PLCB1: variants seen among roughly 807,000 people sequenced by gnomAD.
PLCB1 encodes the protein phospholipase C beta 1.
PLCB1 carries 46 observed loss-of-function variants against 161.8 expected under a neutral mutation model. That is an observed-to-expected ratio of 0.28 (90% CI 0.22 to 0.36). PLCB1 has a LOEUF of 0.36. Ranked by LOEUF, PLCB1 falls within the 10% of genes least tolerant of loss-of-function variation. The pLI is 1.00. For missense variants in PLCB1, 1,016 were observed against 1,472.5 expected (o/e 0.69, Z 5.07); for synonymous variants, 517 against 503.7 (o/e 1.03, Z -0.35).
intron 31 of PLCB1, among the ~76,000 whole-genome samples, chr20:8,796,644 G>A (rs995045712): frequency 4.6e-5 from 7 of 151,728 alleles, no homozygotes; most frequent in Non-Finnish European, 1.0e-4. Flanking sequence ...TTTCATTTTT[G>A]TCAATATAAA....
intron 3 of PLCB1, among the ~76,000 whole-genome samples, chr20:8,519,278 GAGGAGT>G (rs1280133888): frequency 1.3e-5 from 2 of 152,160 alleles, no homozygotes; most frequent in Non-Finnish European, 2.9e-5. Context: ...GAATACTATA[GAGGAGT>G]AGTAGACAAC....
intron 3 of PLCB1, among the ~76,000 whole-genome samples, chr20:8,620,740 C>T (rs1321789154): frequency 5.1e-5 from 7 of 136,426 alleles, no homozygotes; most frequent in Non-Finnish European, 1.1e-4. Context: ...CTGTCCCCTG[C>T]CCCCACCAAA....
At chr20:8,626,076 G>A (rs1229517823) in intron 3 of PLCB1, among the ~76,000 whole-genome samples, 1 of 151,324 alleles carries the variant, frequency 6.6e-6, no homozygotes, top group Admixed American at 6.6e-5. Context: ...TACTCGGGAG[G>A]CTGAGGCAGG....
intron 3 of PLCB1, among the ~76,000 whole-genome samples, chr20:8,595,143 A>G (rs1222215198): frequency 3.3e-5 from 5 of 151,782 alleles, no homozygotes; most frequent in Non-Finnish European, 7.4e-5. Flanking sequence ...GTACATGTGC[A>G]CATTGTGCAG....
At chr20:8,877,742 A>G (rs1987831420) in intron 31 of PLCB1, among the ~76,000 whole-genome samples, 2 of 152,264 alleles carry the variant, frequency 1.3e-5, no homozygotes, top group Non-Finnish European at 2.9e-5. Flanking sequence ...AGTTTATAAG[A>G]AGAAAAAGCA....
intron 3 of PLCB1, among the ~76,000 whole-genome samples, chr20:8,521,973 G>T (rs1388852668): frequency 2.6e-5 from 4 of 152,156 alleles, no homozygotes; most frequent in African/African-American, 9.7e-5. Flanking sequence ...TGATTAGGCA[G>T]GGCCTTGACT....
At chr20:8,164,399 CCTCTAGA>C (rs2051656082) in intron 2 of PLCB1, among the ~76,000 whole-genome samples, 1 of 152,114 alleles carries the variant, frequency 6.6e-6, no homozygotes, top group Non-Finnish European at 1.5e-5. Context: ...CATACAGTAG[CCTCTAGA>C]CTCATGTCAC....
chr20:8,305,352 C>G (rs190665162), intron 2 of PLCB1, among the ~76,000 whole-genome samples: 75 of 152,270 alleles, frequency 4.9e-4, no homozygotes, highest in Admixed American at 3.5e-3. Flanking sequence ...TCATAGCCAG[C>G]AATTAAAACC....
intron 2 of PLCB1, 62 bp from the exon 3 acceptor site, chr20:8,371,320 A>G (rs1267753532): frequency 9.1e-7 from 1 of 1,095,036 alleles, no homozygotes. Flanking sequence ...GATGTCAATG[A>G]CATAAAACAA....
At chr20:8,439,967 G>A (rs182939702) in intron 3 of PLCB1, among the ~76,000 whole-genome samples, 27 of 152,078 alleles carry the variant, frequency 1.8e-4, no homozygotes, top group African/African-American at 2.9e-4. Context: ...CTTATATGTG[G>A]ATGCATGTAT....
chr20:8,722,330 T>A (rs1362393737), intron 14 of PLCB1, 24 bp from the exon 15 acceptor site: 1 of 1,570,858 alleles, frequency 6.4e-7, no homozygotes, highest in East Asian at 2.3e-5. Context: ...GGTGACATGA[T>A]GATCTGTTAT....
rs181786607 is a variant in PLCB1, at chr20:8,719,049, G to A, written c.1513+1201G>A. Among the ~76,000 whole-genome samples, 6 of 152,262 alleles carry A rather than the reference G, an allele frequency of 3.9e-5. No homozygotes were observed. The East Asian group carries it at 9.7e-4, about 25-fold the overall frequency. Reference sequence around the variant, plus strand: ...GTGGTTGATGAGAAAAGAATTCAGTGGCACTCATTTCCTTGGGATTATTTG... The same window carrying A: ...GTGGTTGATGAGAAAAGAATTCAGTAGCACTCATTTCCTTGGGATTATTTG... On this transcript the variant is annotated intron_variant, in intron 14 of 31. Transcript: ENST00000338037.
chr20:8,568,545 A>T (rs186574744), intron 3 of PLCB1, among the ~76,000 whole-genome samples: 54 of 152,336 alleles, frequency 3.5e-4, no homozygotes, highest in African/African-American at 1.2e-3. Context: ...CATAAAAATC[A>T]TTAGTTATTT....
At chr20:8,606,501 C>T (rs893580673) in intron 3 of PLCB1, among the ~76,000 whole-genome samples, 2 of 152,070 alleles carry the variant, frequency 1.3e-5, no homozygotes, top group African/African-American at 4.8e-5. Context: ...ATATGACAAC[C>T]ACTAGTATGA....
At chr20:8,536,324 T>C (rs1177231454) in intron 3 of PLCB1, among the ~76,000 whole-genome samples, 1 of 152,152 alleles carries the variant, frequency 6.6e-6, no homozygotes. Flanking sequence ...GATGAGTTTG[T>C]TGTGGTTTGA....
At chr20:8,156,165 C>T (rs2051559158) in intron 2 of PLCB1, among the ~76,000 whole-genome samples, 1 of 152,178 alleles carries the variant, frequency 6.6e-6, no homozygotes, top group African/African-American at 2.4e-5. Context: ...ATGTTGCTAC[C>T]CATGCAGCTG....
At chr20:8,464,344 G>A (rs1981718087) in intron 3 of PLCB1, among the ~76,000 whole-genome samples, 1 of 152,122 alleles carries the variant, frequency 6.6e-6, no homozygotes, top group Admixed American at 6.6e-5. Flanking sequence ...AGCATTTATA[G>A]CCCATTGCTA....
chr20:8,266,189 A>G (rs1981948363), intron 2 of PLCB1, among the ~76,000 whole-genome samples: 1 of 152,160 alleles, frequency 6.6e-6, no homozygotes, highest in South Asian at 2.1e-4. Context: ...ACTTACTTGT[A>G]GTTTCTAGTA....
intron 3 of PLCB1, among the ~76,000 whole-genome samples, chr20:8,584,721 C>T (rs1013148644): frequency 4.0e-5 from 6 of 151,838 alleles, no homozygotes; most frequent in African/African-American, 7.3e-5. Flanking sequence ...GACAGAGTCT[C>T]GCTCCGTCAC....
Sources: gnomAD v4.1 joint callset for allele counts (sites outside exome capture counted in the v4.1 genomes callset) on GRCh38, gnomAD v4.1.1 for gene constraint, MANE v1.5 for transcripts, NCBI Gene and HGNC (gene_info 2026-07-23, HGNC 2026-07-21) for gene names.